The following RSRC1 variants were observed in gnomAD, a reference collection of about 807,000 sequenced individuals.
RSRC1 encodes arginine and serine rich coiled-coil 1.
A neutral mutation model predicts 49.1 loss-of-function variants in RSRC1; 39 were observed. That is an observed-to-expected ratio of 0.79 (90% confidence interval 0.61 to 1.04). The LOEUF (loss-of-function observed/expected upper bound fraction) is 1.04, where lower values mean the gene tolerates loss of function less well. Among genes scored for constraint, RSRC1 ranks in the 50% least tolerant of loss-of-function variants. The pLI, the probability that RSRC1 is intolerant of heterozygous loss-of-function variation, is 0.00. For missense variants in RSRC1, 388 were observed against 402.4 expected (o/e 0.96, Z 0.31); for synonymous variants, 143 against 130.8 (o/e 1.09, Z -0.63).
Position 158,203,235 on chromosome 3 carries a change from A to T in RSRC1, c.484A>T (p.Ile162Phe). 1 of 1,585,976 alleles carries T rather than the reference A, an allele frequency of 6.3e-7. No individual in the cohort carries two copies. Among genetic ancestry groups the T allele is most frequent in the South Asian group, 1.1e-5 (1 of 87,070 alleles). ...AGGGAAGGACAAGGAATTACATAAC[A>T]TCAAACGTGGGTAAGTTGGAGCAAA... The part of the protein sequence containing the change: ...DKGKDKELHN[I>F]KRGESGNIKA... Residue 162 changes from isoleucine to phenylalanine, a missense_variant, in exon 4 of 10, where the codon ATC becomes TTC. Coordinates refer to ENST00000611884, the MANE Select transcript of RSRC1 (RefSeq NM_001271838.2).
At chr3:158,225,619 A>G (rs916717989) in intron 4 of RSRC1, 2 of 430,218 alleles carry the variant, frequency 4.6e-6, no homozygotes, top group African/African-American at 2.1e-5. Context: ...TAGAAGCATC[A>G]TAGGTATATT....
chr3:158,193,511 A>G (rs112020940), intron 3 of RSRC1, among the ~76,000 whole-genome samples: 2,771 of 152,228 alleles, frequency 0.018, 49 homozygotes, highest in Non-Finnish European at 0.029. Context: ...AATTGCCAGA[A>G]TCATATTTTG....
rs976909879 is a variant in RSRC1, at chr3:158,176,388, C to T, written c.321-26684C>T. Among the ~76,000 whole-genome samples, 6 of 152,172 alleles carry T rather than the reference C, an allele frequency of 3.9e-5. No homozygotes were observed. The South Asian group carries it at 1.0e-3, about 26-fold the overall frequency. The stretch of plus-strand genomic sequence containing the variant: ...AATAAAGCTGGAGGCATCACGCTAC[C>T]TGACTTCAAACTATACTACAAGGCT... On this transcript the variant is annotated intron_variant, in intron 3 of 9. Transcript: ENST00000611884.
intron 5 of RSRC1, among the ~76,000 whole-genome samples, chr3:158,324,872 T>A (rs973754565): frequency 2.0e-4 from 30 of 152,224 alleles, no homozygotes; most frequent in Non-Finnish European, 4.0e-4. Flanking sequence ...TTCCTATTTC[T>A]CCACATCCTC....
At chr3:158,279,190 A>AT (rs1281702563) in intron 4 of RSRC1, among the ~76,000 whole-genome samples, 2 of 152,296 alleles carry the variant, frequency 1.3e-5, no homozygotes, top group Non-Finnish European at 2.9e-5. Context: ...TGTTACTGTG[A>AT]TTTTTTGTGT....
intron 5 of RSRC1, among the ~76,000 whole-genome samples, chr3:158,337,625 CTAACA>C (rs1428011369): frequency 2.0e-5 from 3 of 152,110 alleles, no homozygotes; most frequent in Non-Finnish European, 4.4e-5. Flanking sequence ...TTCTATATTC[CTAACA>C]TATTGTTAGC....
At chr3:158,161,430 G>A (rs972729659) in intron 3 of RSRC1, among the ~76,000 whole-genome samples, 3 of 152,164 alleles carry the variant, frequency 2.0e-5, no homozygotes, top group African/African-American at 7.2e-5. Flanking sequence ...CAAATCATGG[G>A]TCTAAGCTCA....
At chr3:158,131,282 T>G (rs1245745935) in intron 3 of RSRC1, among the ~76,000 whole-genome samples, 1 of 152,160 alleles carries the variant, frequency 6.6e-6, no homozygotes, top group East Asian at 1.9e-4. Context: ...AATTTGTTAG[T>G]ACCAATCACT....
At chr3:158,267,860 ATT>A (rs368565806) in intron 4 of RSRC1, among the ~76,000 whole-genome samples, 26,499 of 124,854 alleles carry the variant, frequency 0.21, 2,604 homozygotes, top group Middle Eastern at 0.27. Flanking sequence ...TTCCATATCT[ATT>A]TTTTTTTTTT....
chr3:158,330,938 A>G (rs1028373192), intron 5 of RSRC1, among the ~76,000 whole-genome samples: 1 of 150,946 alleles, frequency 6.6e-6, no homozygotes, highest in African/African-American at 2.4e-5. Context: ...GTGGCTGGGG[A>G]GGCCTCACAA....
chr3:158,226,475 A>G (rs1722538380), intron 4 of RSRC1, among the ~76,000 whole-genome samples: 1 of 151,918 alleles, frequency 6.6e-6, no homozygotes. Context: ...TCTTTTCTGA[A>G]TATGTAACTG....
chr3:158,204,510 A>T (rs1721242543), intron 4 of RSRC1, among the ~76,000 whole-genome samples: 1 of 152,180 alleles, frequency 6.6e-6, no homozygotes, highest in South Asian at 2.1e-4. Flanking sequence ...CTGTCTGTAA[A>T]GGTGGGGAGG....
At chr3:158,392,115 C>T (rs1429909344) in intron 6 of RSRC1, among the ~76,000 whole-genome samples, 1 of 152,030 alleles carries the variant, frequency 6.6e-6, no homozygotes, top group African/African-American at 2.4e-5. Context: ...TGACTGAGCT[C>T]ATCCTCTAGA....
chr3:158,191,754 A>G (rs914524820), intron 3 of RSRC1, among the ~76,000 whole-genome samples: 4 of 152,156 alleles, frequency 2.6e-5, no homozygotes, highest in East Asian at 1.9e-4. Flanking sequence ...AGGGACAAAT[A>G]ACATCTTAAA....
chr3:158,328,614 A>G (rs1460966373), intron 5 of RSRC1, among the ~76,000 whole-genome samples: 2 of 152,168 alleles, frequency 1.3e-5, no homozygotes, highest in Non-Finnish European at 1.5e-5. Flanking sequence ...TGTTAGTCTG[A>G]TGGGCTTCCC....
intron 4 of RSRC1, among the ~76,000 whole-genome samples, chr3:158,215,353 G>A (rs1721895412): frequency 6.7e-6 from 1 of 149,982 alleles, no homozygotes; most frequent in Admixed American, 6.7e-5. Flanking sequence ...TGTTGCCCAG[G>A]CTGGTCTCAA....
At chr3:158,266,023 C>G (rs73166362) in intron 4 of RSRC1, among the ~76,000 whole-genome samples, 20,957 of 152,034 alleles carry the variant, frequency 0.14, 1,576 homozygotes, top group Middle Eastern at 0.21. Context: ...GGGTCCTTTT[C>G]TGGTCTTTGC....
Position 158,491,797 on chromosome 3 carries a change from G to A in RSRC1, c.652+30794G>A, listed in dbSNP as rs77318842. On this transcript the variant is annotated intron_variant, in intron 7 of 9. Coordinates refer to ENST00000611884, the MANE Select transcript of RSRC1 (RefSeq NM_001271838.2). ...GAAAAACTTTTACTTTTGACACCTC[G>A]TGCTATGGGTTGGAACATTCTGAGT... Among the ~76,000 whole-genome samples, 872 of 152,148 alleles carry A rather than the reference G, an allele frequency of 5.7e-3. 2 individuals are homozygous for A. Among genetic ancestry groups the A allele is most frequent in the African/African-American group, 0.02 (818 of 41,520 alleles).
intron 7 of RSRC1, among the ~76,000 whole-genome samples, chr3:158,516,158 G>A (rs1740516644): frequency 6.6e-6 from 1 of 152,214 alleles, no homozygotes; most frequent in Non-Finnish European, 1.5e-5. Flanking sequence ...CGTTCCTTTG[G>A]AGGAGGAGAG....
Sources: allele counts gnomAD v4.1 joint callset (sites outside exome capture counted in the v4.1 genomes callset), GRCh38; gene constraint gnomAD v4.1.1; transcripts MANE v1.5; gene names NCBI Gene and HGNC (gene_info 2026-07-23, HGNC 2026-07-21).